The following TNFRSF14 variants were observed in gnomAD, a reference collection of about 807,000 sequenced individuals.
TNFRSF14 encodes the protein tumor necrosis factor receptor superfamily member 14.
TNFRSF14 carries 18 observed loss-of-function variants against 34.1 expected under a neutral mutation model. The observed-to-expected ratio is 0.53, with a 90% CI of 0.36 to 0.78. TNFRSF14 has a LOEUF of 0.78. Among genes scored for constraint, TNFRSF14 ranks in the 30% least tolerant of loss-of-function variants. The probability of loss-of-function intolerance (pLI) is 0.00; values close to 1 mark genes in which losing one functional copy is unlikely to be tolerated. For synonymous variants in TNFRSF14, 157 were observed against 153.2 expected (o/e 1.02, Z -0.18); for missense variants, 352 against 379.5 (o/e 0.93, Z 0.60).
Position 2,563,269 on chromosome 1 carries a change from A to T in TNFRSF14, c.848A>T (p.His283Leu), listed in dbSNP as rs1442236060. The change falls in exon 8 of 8, where the codon CAC becomes CTC. Residue 283 changes from histidine to leucine, a missense_variant. Coordinates refer to ENST00000355716, the MANE Select transcript of TNFRSF14 (RefSeq NM_003820.4). ...TCATTCACGGGGAGGAGCCCAAACC[A>T]CTGACCCACAGACTCTGCACCCCGA... ...IPSFTGRSPN[H>L] 6.2e-7 allele frequency: 1 copy of T among 1,613,362 alleles called. No individual in the cohort carries two copies. The highest frequency in any genetic ancestry group is 1.7e-5 in the Admixed American group (1 of 60,008).
upstream of TNFRSF14, chr1:2,555,468 C>G (rs903915987): frequency 1.3e-5 from 2 of 152,164 alleles, no homozygotes; most frequent in African/African-American, 2.4e-5. This position sits in a 1 kb window ranked among gnomAD's most constrained non-coding sequence, Gnocchi z 6.3. Context: ...GCCACTGAGT[C>G]CCCCAGGGGC....
rs560742705 is a variant in TNFRSF14, at chr1:2,561,825, C to T, written c.694+10C>T. The T allele has an allele frequency of 1.7e-5, 28 of 1,611,988 alleles. No individual in the cohort carries two copies. The highest frequency in any genetic ancestry group is 1.3e-4 in the African/African-American group (10 of 75,014). ...AGAAGAAAGCCAAGGGGTGAGCACACGGCGGCCCCATCAGGGCTCATGTCC... is the reference window on the plus strand; with the variant it reads ...AGAAGAAAGCCAAGGGGTGAGCACATGGCGGCCCCATCAGGGCTCATGTCC... On this transcript the variant is annotated intron_variant, in intron 6 of 7. Transcript: ENST00000355716. The surrounding 1 kb of genome is among the most constrained non-coding windows in gnomAD (Gnocchi z 6.0).
intron 1 of TNFRSF14, chr1:2,557,081 A>G (rs1411605380): frequency 3.3e-5 from 11 of 329,702 alleles, no homozygotes; most frequent in African/African-American, 2.1e-4. Flanking sequence ...CGAGCAGGTG[A>G]CCCAACTCCC....
At position 2,556,638 on chromosome 1, in the gene TNFRSF14, CCCGAGCT is replaced by C; in HGVS notation, c.-26_-20del. ...TGGAGTTCATCCTGCTAGCTGGGTT[CCCGAGCT>C]GCCGGTCTGAGCCTGAGGCATGGAG... On this transcript the variant is annotated 5_prime_UTR_variant, in exon 1 of 8. The change abolishes the stop of an existing upstream ORF in the 5' untranslated region. Transcript: ENST00000355716. 6.2e-7 allele frequency: 1 copy of C among 1,605,618 alleles called. No homozygotes were observed. The highest frequency in any genetic ancestry group is 8.5e-7 in the Non-Finnish European group (1 of 1,175,876).
chr1:2,558,964 C>T (rs762668072), intron 3 of TNFRSF14: 1 of 1,366,320 alleles, frequency 7.3e-7, no homozygotes, highest in Non-Finnish European at 9.6e-7. Flanking sequence ...GAAAGGGGAA[C>T]CAGACCCAGA....
Position 2,563,192 on chromosome 1 carries a change from C to T in TNFRSF14, c.771C>T (p.Ala257=). The T allele has an allele frequency of 6.2e-7, 1 of 1,613,502 alleles. No individual in the cohort carries two copies. The highest frequency in any genetic ancestry group is 8.5e-7 in the Non-Finnish European group (1 of 1,180,024). The change falls in exon 8 of 8, where the codon GCC becomes GCT. Residue 257 remains alanine (A), a synonymous_variant. Coordinates refer to ENST00000355716, the MANE Select transcript of TNFRSF14 (RefSeq NM_003820.4). ...EAEGEATVIE[A]LQAPPDVTTV... ...AAGGTGAGGCCACAGTCATTGAGGCCCTGCAGGCCCCTCCGGACGTCACCA... is the reference window on the plus strand; with the variant it reads ...AAGGTGAGGCCACAGTCATTGAGGCTCTGCAGGCCCCTCCGGACGTCACCA...
intron 7 of TNFRSF14, 36 bp downstream of exon 7, chr1:2,562,932 A>G (rs781534647): frequency 6.3e-6 from 9 of 1,425,232 alleles, no homozygotes; most frequent in African/African-American, 4.6e-5. Context: ...TCCCCCCTCC[A>G]CCTTCCCACC....
intron 4 of TNFRSF14, 25 bp from the exon 5 acceptor site, chr1:2,560,599 C>T (rs1467474785): frequency 7.5e-6 from 12 of 1,601,286 alleles, no homozygotes; most frequent in Non-Finnish European, 6.0e-6. Flanking sequence ...CCCTCAGCCC[C>T]CTCTGTCCGT....
At chr1:2,556,322 T>G, upstream of TNFRSF14, 1 of 598,874 alleles carries the variant, frequency 1.7e-6, no homozygotes, top group Admixed American at 2.2e-5. Context: ...CGGAGTGGAC[T>G]GGAATGGTGC....
In TNFRSF14 at chr1:2,561,399, C is replaced by A; in HGVS notation, c.552-274C>A. On this transcript the variant is annotated intron_variant, in intron 5 of 7. Transcript: ENST00000355716. The surrounding 1 kb of genome is among the most constrained non-coding windows in gnomAD (Gnocchi z 6.0). ...GGGTCTCTGCACTGCTGGCTGCCTC[C>A]CGCTTCTCTCCCCTCTCCCTCTGCC... The A allele has an allele frequency of 1.5e-6, 2 of 1,291,384 alleles. No homozygotes were observed. Among genetic ancestry groups the A allele is most frequent in the Non-Finnish European group, 2.1e-6 (2 of 951,856 alleles). 80.0% of individuals were successfully genotyped at this position (1,291,384 alleles called of 1,614,324 possible).
chr1:2,558,096 G>A (rs754154929), intron 2 of TNFRSF14, among the ~76,000 whole-genome samples: 22 of 152,176 alleles, frequency 1.4e-4, no homozygotes, highest in Non-Finnish European at 3.1e-4. Context: ...ACATGGGCTC[G>A]GGGGCACATA....
Position 2,563,210 on chromosome 1 carries a change from CG to C in TNFRSF14, c.790del (p.Val264SerfsTer38). ...TTGAGGCCCTGCAGGCCCCTCCGGA[CG>C]TCACCACGGTGGCCGTGGAGGAGAC... The part of the protein sequence containing the change: ...VIEALQAPPD[V>X]TTVAVEETIP... On this transcript the variant is annotated frameshift_variant, in exon 8 of 8. Coordinates refer to ENST00000355716, the MANE Select transcript of TNFRSF14 (RefSeq NM_003820.4). LOFTEE classifies it low-confidence loss of function (END_TRUNC). 1 of 1,613,496 alleles carries C rather than the reference CG, an allele frequency of 6.2e-7. No individual in the cohort carries two copies. The highest frequency in any genetic ancestry group is 1.1e-5 in the South Asian group (1 of 91,088).
intron 3 of TNFRSF14, chr1:2,558,882 T>C: frequency 7.5e-7 from 1 of 1,335,700 alleles, no homozygotes; most frequent in Non-Finnish European, 9.8e-7. Flanking sequence ...CTCCTCCAGA[T>C]ATTGGTTCCC....
chr1:2,563,170 G>C lies in TNFRSF14; in HGVS notation c.749G>C (p.Gly250Ala). The C allele has an allele frequency of 6.2e-7, 1 of 1,613,518 alleles. No individual in the cohort carries two copies. Among genetic ancestry groups the C allele is most frequent in the Non-Finnish European group, 8.5e-7 (1 of 1,180,014 alleles). ...SVQRKRQEAEGEATVIEALQA... is the reference protein window; with the variant it reads ...SVQRKRQEAEAEATVIEALQA... ...CAGCGGAAAAGACAGGAGGCAGAAG[G>C]TGAGGCCACAGTCATTGAGGCCCTG... is the stretch of plus-strand genomic sequence containing the variant. The change falls in exon 8 of 8, where the codon GGT becomes GCT. Residue 250 changes from glycine to alanine, a missense_variant. Physicochemically the swap from Gly to Ala is moderately conservative, Grantham distance 60 (BLOSUM62 0). Transcript: ENST00000355716.
Position 2,557,755 on chromosome 1 carries a change from C to G in TNFRSF14, c.99C>G (p.Pro33=). 6.2e-7 allele frequency: 1 copy of G among 1,611,218 alleles called. No individual in the cohort carries two copies. Among genetic ancestry groups the G allele is most frequent in the Non-Finnish European group, 8.5e-7 (1 of 1,178,702 alleles). The change falls in exon 2 of 8, where the codon CCC becomes CCG. Residue 33 remains proline (P), a synonymous_variant. Coordinates refer to ENST00000355716, the MANE Select transcript of TNFRSF14 (RefSeq NM_003820.4). ...TGTATCTCACCTTCCTGGGAGCCCC[C>G]TGCTACGCCCCAGCTCTGCCGTCCT... ...LVLYLTFLGA[P]CYAPALPSCK...
intron 6 of TNFRSF14, chr1:2,562,184 T>A (rs1644320123): frequency 2.9e-6 from 1 of 341,966 alleles, no homozygotes; most frequent in African/African-American, 2.1e-5. Context: ...CAAGGCTTTG[T>A]CCTCATTGAG....
Position 2,561,137 on chromosome 1 carries a change from A to C in TNFRSF14, c.551+423A>C. 3.1e-6 allele frequency: 1 copy of C among 325,680 alleles called. No individual in the cohort carries two copies. 20.2% of individuals were successfully genotyped at this position (325,680 alleles called of 1,614,324 possible). ...CTTCAAATGCTGACCCTGGGCCCCTAACTGACCTGAGACTTCAGAGCTTCT... is the reference window on the plus strand; with the variant it reads ...CTTCAAATGCTGACCCTGGGCCCCTCACTGACCTGAGACTTCAGAGCTTCT... On this transcript the variant is annotated intron_variant, in intron 5 of 7. Coordinates refer to ENST00000355716, the MANE Select transcript of TNFRSF14 (RefSeq NM_003820.4). The surrounding 1 kb of genome is among the most constrained non-coding windows in gnomAD (Gnocchi z 6.0).
Position 2,563,464 on chromosome 1 carries a change from A to G in TNFRSF14, c.*191A>G, listed in dbSNP as rs11573995. 1,633 of 868,062 alleles carry G rather than the reference A, an allele frequency of 1.9e-3. 35 individuals carry two copies. The South Asian group carries it at 0.023, about 12-fold the overall frequency. The allele number at this position is 868,062 out of a possible 1,614,324, so 53.8% of individuals were successfully genotyped here. On this transcript the variant is annotated 3_prime_UTR_variant, in exon 8 of 8. Coordinates refer to ENST00000355716, the MANE Select transcript of TNFRSF14 (RefSeq NM_003820.4). Reference sequence around the variant, plus strand: ...GCTGGGGACGCCACGTGCCATTCCCATGGGCCAGTGAGGGCCTGGGGCCTC... The same window carrying G: ...GCTGGGGACGCCACGTGCCATTCCCGTGGGCCAGTGAGGGCCTGGGGCCTC...
intron 1 of TNFRSF14, 65 bp downstream of exon 1, chr1:2,556,798 A>G (rs1644222378): frequency 1.4e-6 from 2 of 1,460,780 alleles, no homozygotes; most frequent in Non-Finnish European, 9.2e-7. Context: ...GGCCTCCCAC[A>G]GATCTCTTCC....
Sources: gnomAD v4.1 joint callset for allele counts (sites outside exome capture counted in the v4.1 genomes callset) on GRCh38, gnomAD v4.1.1 for gene constraint, Gnocchi (gnomAD v3.1) non-coding constraint, MANE v1.5 for transcripts, NCBI Gene and HGNC (gene_info 2026-07-23, HGNC 2026-07-21) for gene names.